Variants in CAMTA1 observed in about 807,000 individuals in gnomAD.
CAMTA1 encodes calmodulin binding transcription activator 1.
CAMTA1 carries 27 observed loss-of-function variants against 170.9 expected under a neutral mutation model. The ratio of observed to expected loss-of-function variants is 0.16; its 90% CI spans 0.12 to 0.22. The LOEUF (loss-of-function observed/expected upper bound fraction) is 0.22. Among genes scored for constraint, CAMTA1 ranks in the 10% least tolerant of loss-of-function variants. The pLI, the probability that CAMTA1 is intolerant of heterozygous loss-of-function variation, is 1.00. For synonymous variants in CAMTA1, 833 were observed against 891.5 expected (o/e 0.93, Z 1.17); for missense variants, 1,619 against 2,217.2 (o/e 0.73, Z 5.42).
At chr1:7,607,312 G>T (rs867209557) in intron 6 of CAMTA1, among the ~76,000 whole-genome samples, 3 of 149,914 alleles carry the variant, frequency 2.0e-5, no homozygotes, top group Non-Finnish European at 4.5e-5. Context: ...GGATGGAATG[G>T]TAGGTGGGTG....
At position 7,740,640 on chromosome 1, in the gene CAMTA1, G is replaced by T. The variant is rs185628566; in HGVS notation, c.4182+2158G>T. On this transcript the variant is annotated intron_variant, in intron 16 of 22. Coordinates refer to ENST00000303635, the MANE Select transcript of CAMTA1 (RefSeq NM_015215.4). ...GACACTTGGTGCCACATGTGGAATC[G>T]GGCACTTGATCAGCATGGCTGTCAT... is the stretch of plus-strand genomic sequence containing the variant. Among the ~76,000 whole-genome samples, 7 of 152,278 alleles carry T rather than the reference G, an allele frequency of 4.6e-5. No homozygotes were observed. The East Asian group carries it at 1.3e-3, about 29-fold the overall frequency.
chr1:6,960,600 C>A (rs1374712404), intron 3 of CAMTA1, among the ~76,000 whole-genome samples: 1 of 152,198 alleles, frequency 6.6e-6, no homozygotes, highest in Non-Finnish European at 1.5e-5. Flanking sequence ...CTCCATGTCC[C>A]ACAGCACTCT....
intron 4 of CAMTA1, among the ~76,000 whole-genome samples, chr1:7,149,665 G>A (rs17030379): frequency 0.048 from 7,249 of 152,232 alleles, 232 homozygotes; most frequent in East Asian, 0.085. Context: ...AACAGGAAAC[G>A]AGCCACTGGG....
intron 3 of CAMTA1, among the ~76,000 whole-genome samples, chr1:7,036,335 T>C (rs1230317602): frequency 6.6e-6 from 1 of 152,178 alleles, no homozygotes; most frequent in African/African-American, 2.4e-5. Context: ...TGTGAACACA[T>C]GATGGATTCT....
In CAMTA1 at chr1:7,463,587, A is replaced by G. The variant is rs2093143177; in HGVS notation, c.439-4243A>G. On this transcript the variant is annotated intron_variant, in intron 5 of 22. Transcript: ENST00000303635. This position sits in a 1 kb window ranked among gnomAD's most constrained non-coding sequence, Gnocchi z 4.7. ...GACAGATACAGAGATAGAGAAAGAT[A>G]GAGACGGAAGAAGAGAGACCAAGGG... Among the ~76,000 whole-genome samples the G allele has an allele frequency of 6.6e-6, 1 of 152,182 alleles. No individual in the cohort carries two copies. The highest frequency in any genetic ancestry group is 1.5e-5 in the Non-Finnish European group (1 of 68,040).
At chr1:7,711,779 C>T (rs1044017122) in intron 11 of CAMTA1, among the ~76,000 whole-genome samples, 3 of 152,152 alleles carry the variant, frequency 2.0e-5, no homozygotes, top group African/African-American at 4.8e-5. Flanking sequence ...CCCTGGCGCG[C>T]GTGTGTAAGA....
At chr1:7,477,462 A>T (rs894075300) in intron 6 of CAMTA1, among the ~76,000 whole-genome samples, 26 of 152,186 alleles carry the variant, frequency 1.7e-4, no homozygotes, top group South Asian at 8.3e-4. Context: ...GCTCAATTCC[A>T]TTAAGATTTC....
chr1:6,867,792 CCT>C (rs1487321175), intron 3 of CAMTA1, among the ~76,000 whole-genome samples: 1 of 151,950 alleles, frequency 6.6e-6, no homozygotes, highest in Admixed American at 6.6e-5. Context: ...ATTGTAATCA[CCT>C]CTTTTTTTTT....
chr1:7,755,498 C>T (rs1307013341), intron 21 of CAMTA1, 140 bp from the exon 22 acceptor site: 2 of 689,434 alleles, frequency 2.9e-6, no homozygotes, highest in Non-Finnish European at 2.6e-6. Context: ...TTTCACGTAC[C>T]CCACCATCAC....
intron 6 of CAMTA1, among the ~76,000 whole-genome samples, chr1:7,551,403 C>T (rs906355239): frequency 1.4e-5 from 2 of 146,892 alleles, no homozygotes; most frequent in Non-Finnish European, 3.0e-5. Flanking sequence ...AGGAAGAAAA[C>T]GCAGGGCACA....
rs1393758659 is a variant in CAMTA1, at chr1:6,857,811, C to T, written c.234+32601C>T. Among the ~76,000 whole-genome samples the T allele has an allele frequency of 6.6e-5, 10 of 152,038 alleles. No homozygotes were observed. In the East Asian group the frequency reaches 9.6e-4, roughly 15 times the overall value. On this transcript the variant is annotated intron_variant, in intron 3 of 22. Transcript: ENST00000303635. ...GGGACACTGAAAATCAAATCATGTGCCGAGTGCACTGTAAAAAGAAAAAAA... is the reference window on the plus strand; with the variant it reads ...GGGACACTGAAAATCAAATCATGTGTCGAGTGCACTGTAAAAAGAAAAAAA...
chr1:7,122,861 G>T (rs1055061658), intron 4 of CAMTA1, among the ~76,000 whole-genome samples: 2 of 152,116 alleles, frequency 1.3e-5, no homozygotes. Flanking sequence ...CTTCTGTCTT[G>T]CAGACATCAC....
At chr1:7,255,017 A>G (rs1439913885) in intron 5 of CAMTA1, among the ~76,000 whole-genome samples, 1 of 152,222 alleles carries the variant, frequency 6.6e-6, no homozygotes, top group African/African-American at 2.4e-5. Context: ...ACTTTTAGTA[A>G]AAAATCATGT....
intron 6 of CAMTA1, among the ~76,000 whole-genome samples, chr1:7,610,002 G>A (rs556573512): frequency 2.6e-5 from 4 of 152,198 alleles, no homozygotes; most frequent in Non-Finnish European, 5.9e-5. Flanking sequence ...TGTCCACACT[G>A]TGTGTGCACT....
intron 3 of CAMTA1, among the ~76,000 whole-genome samples, chr1:7,023,900 C>T (rs939555067): frequency 2.0e-5 from 3 of 151,552 alleles, no homozygotes; most frequent in Non-Finnish European, 4.4e-5. Flanking sequence ...TGGTGGCAGG[C>T]GCCTGTAATC....
chr1:7,530,238 G>A (rs976061698), intron 6 of CAMTA1, among the ~76,000 whole-genome samples: 10 of 152,212 alleles, frequency 6.6e-5, no homozygotes. Flanking sequence ...GCCCCAGCTC[G>A]TCCTCCTCCC....
rs1004853130 is a variant in CAMTA1 at position 7,570,862 on chromosome 1, G to A, written c.511-69538G>A. Among the ~76,000 whole-genome samples, 1 of 152,192 alleles carries A rather than the reference G, an allele frequency of 6.6e-6. No individual in the cohort carries two copies. The highest frequency in any genetic ancestry group is 2.4e-5 in the African/African-American group (1 of 41,448). ...GCCTGGGAGTCAGAATCCAAGCCTG[G>A]CCTCCCCCATGAACCAGCTGGGTGA... On this transcript the variant is annotated intron_variant, in intron 6 of 22. Transcript: ENST00000303635. This position sits in a 1 kb window ranked among gnomAD's most constrained non-coding sequence, Gnocchi z 4.3.
chr1:7,232,010 C>T (rs374890465), intron 4 of CAMTA1, among the ~76,000 whole-genome samples: 1 of 152,322 alleles, frequency 6.6e-6, no homozygotes, highest in South Asian at 2.1e-4. Context: ...GGGGTGCATG[C>T]GATGCCGGGG....
At chr1:7,488,051 C>T (rs1452318525) in intron 6 of CAMTA1, among the ~76,000 whole-genome samples, 1 of 152,196 alleles carries the variant, frequency 6.6e-6, no homozygotes, top group Non-Finnish European at 1.5e-5. Context: ...CCCATCTACT[C>T]TCTGCAGTCT....
Sources: allele counts gnomAD v4.1 joint callset (sites outside exome capture counted in the v4.1 genomes callset), GRCh38; gene constraint gnomAD v4.1.1; non-coding constraint Gnocchi (gnomAD v3.1); transcripts MANE v1.5; gene names NCBI Gene and HGNC (gene_info 2026-07-23, HGNC 2026-07-21).